The following CEP120 variants were observed in gnomAD, a reference collection of about 807,000 sequenced individuals.
CEP120 encodes the protein centrosomal protein 120.
In CEP120, 113 loss-of-function variants were observed where a neutral mutation model predicts 126.5. The ratio of observed to expected loss-of-function variants is 0.89; its 90% CI spans 0.77 to 1.04. The LOEUF (loss-of-function observed/expected upper bound fraction) is 1.04, where lower values mean the gene tolerates loss of function less well. CEP120 is among the 50% of genes least tolerant of loss of function. The pLI is 0.00. For synonymous variants in CEP120, 400 were observed against 394.3 expected (o/e 1.01, Z -0.17); for missense variants, 1,230 against 1,155.7 (o/e 1.06, Z -0.93).
intron 17 of CEP120, among the ~76,000 whole-genome samples, chr5:123,369,970 T>C (rs575454963): frequency 6.6e-6 from 1 of 152,116 alleles, no homozygotes; most frequent in Non-Finnish European, 1.5e-5. Flanking sequence ...CTCAAAACAA[T>C]TTTGTACCAA....
At chr5:123,377,612 A>G in intron 15 of CEP120, 77 bp from the exon 16 acceptor site, 1 of 1,085,168 alleles carries the variant, frequency 9.2e-7, no homozygotes, top group Non-Finnish European at 1.3e-6. Flanking sequence ...ATATCTTTCT[A>G]TACACTCAAA....
At chr5:123,370,723 A>T (rs1770796719) in intron 17 of CEP120, among the ~76,000 whole-genome samples, 1 of 147,920 alleles carries the variant, frequency 6.8e-6, no homozygotes, top group Non-Finnish European at 1.5e-5. Flanking sequence ...ATACATACAT[A>T]CACACATATA....
Position 123,386,619 on chromosome 5 carries a change from A to G in CEP120, c.1479T>C (p.Pro493=), listed in dbSNP as rs929084753. Reference sequence around the variant, plus strand: ...CCATGTTTTTCCGAACTTCTACAGGAGGATTAGTCATAATAGGAGCTGCAC... The same window carrying G: ...CCATGTTTTTCCGAACTTCTACAGGGGGATTAGTCATAATAGGAGCTGCAC... ...FGSAAPIMTN[P]PVEVRKNMEV... is the part of the protein sequence containing the mutation. The change falls in exon 10 of 20, where the codon CCT becomes CCC. Residue 493 remains proline (P), a synonymous_variant. Coordinates refer to ENST00000306467, the MANE Select transcript of CEP120 (RefSeq NM_001375405.1). The G allele has an allele frequency of 3.2e-6, 5 of 1,559,394 alleles. No individual in the cohort carries two copies. The highest frequency in any genetic ancestry group is 4.3e-6 in the Non-Finnish European group (5 of 1,149,596).
At chr5:123,422,915 G>A (rs141808885) in intron 1 of CEP120, 35 bp downstream of exon 1, 1 of 1,595,138 alleles carries the variant, frequency 6.3e-7, no homozygotes, top group South Asian at 1.1e-5. Flanking sequence ...AACTCGGGAG[G>A]CAGCAGTTGC....
chr5:123,393,535 C>T, intron 5 of CEP120, 38 bp from the exon 6 acceptor site: 1 of 1,530,986 alleles, frequency 6.5e-7, no homozygotes, highest in Non-Finnish European at 9.0e-7. Context: ...TTATTACTTT[C>T]TAAACTACTG....
At chr5:123,383,598 G>A (rs1404995695) in intron 11 of CEP120, among the ~76,000 whole-genome samples, 1 of 151,726 alleles carries the variant, frequency 6.6e-6, no homozygotes, top group Admixed American at 6.6e-5. Context: ...CCCTACTCTT[G>A]ATTATATTGG....
chr5:123,374,760 C>A (rs1382997954), intron 16 of CEP120, among the ~76,000 whole-genome samples: 1 of 152,032 alleles, frequency 6.6e-6, no homozygotes. Context: ...TGAACAGAAA[C>A]CTTTCTAAAG....
chr5:123,358,468 G>A (rs1463751344), intron 18 of CEP120: 1 of 152,002 alleles, frequency 6.6e-6, no homozygotes, highest in Non-Finnish European at 1.5e-5. Flanking sequence ...TAAGATTGCT[G>A]GTGATCTGTA....
At chr5:123,414,224 G>A (rs1215950272) in intron 3 of CEP120, among the ~76,000 whole-genome samples, 2 of 152,244 alleles carry the variant, frequency 1.3e-5, no homozygotes, top group South Asian at 2.1e-4. Flanking sequence ...ACACTTGCAC[G>A]CTACATGAGA....
intron 5 of CEP120, among the ~76,000 whole-genome samples, chr5:123,395,656 T>C (rs1332318164): frequency 2.0e-5 from 3 of 151,720 alleles, no homozygotes; most frequent in Non-Finnish European, 4.4e-5. Context: ...TCCTTTATGT[T>C]GTGGCATGTA....
chr5:123,363,658 C>T (rs1484664710), intron 18 of CEP120, among the ~76,000 whole-genome samples: 1 of 151,408 alleles, frequency 6.6e-6, no homozygotes, highest in Non-Finnish European at 1.5e-5. Context: ...GTTTTTAATT[C>T]TCATGTAGAC....
rs1336416359 is a variant in CEP120, at chr5:123,345,121, C to T, written c.*1398G>A. ...ACATAAGGCTTGCTTCTGTTCCATTCAAGTGGCACAAAAATCAATGAGAGA... is the reference window on the plus strand; with the variant it reads ...ACATAAGGCTTGCTTCTGTTCCATTTAAGTGGCACAAAAATCAATGAGAGA... On this transcript the variant is annotated 3_prime_UTR_variant, in exon 20 of 20. Coordinates refer to ENST00000306467, the MANE Select transcript of CEP120 (RefSeq NM_001375405.1). 1.3e-5 allele frequency: 2 copies of T among 152,108 alleles called. No individual in the cohort carries two copies. The highest frequency in any genetic ancestry group is 6.6e-5 in the Admixed American group (1 of 15,262). 9.4% of individuals were successfully genotyped at this position (152,108 alleles called of 1,614,324 possible).
intron 19 of CEP120, among the ~76,000 whole-genome samples, chr5:123,348,545 C>T (rs1336496429): frequency 6.6e-6 from 1 of 152,174 alleles, no homozygotes; most frequent in Non-Finnish European, 1.5e-5. Flanking sequence ...TTAAAGCTGA[C>T]CTTTTGCAAC....
chr5:123,419,858 A>T (rs1453701914), intron 1 of CEP120, among the ~76,000 whole-genome samples: 1 of 152,238 alleles, frequency 6.6e-6, no homozygotes. Flanking sequence ...AGGAAGCTAA[A>T]GAACATCAAC....
At chr5:123,382,063 A>G (rs1366360300) in intron 14 of CEP120, 48 bp downstream of exon 14, 3 of 1,220,396 alleles carry the variant, frequency 2.5e-6, no homozygotes, top group Non-Finnish European at 3.6e-6. Context: ...ACAAGATATT[A>G]TCATTAATAT....
intron 7 of CEP120, 179 bp downstream of exon 7, chr5:123,390,931 T>C: frequency 1.7e-6 from 1 of 583,976 alleles, no homozygotes; most frequent in Non-Finnish European, 3.0e-6. Context: ...GTAGAATCAC[T>C]TATAAACCAT....
intron 6 of CEP120, 77 bp from the exon 7 acceptor site, chr5:123,391,414 G>A: frequency 8.7e-7 from 1 of 1,150,668 alleles, no homozygotes; most frequent in African/African-American, 1.5e-5. Flanking sequence ...TTAATAAGAA[G>A]TTGTAAAATG....
At chr5:123,361,861 A>C (rs898125170) in intron 18 of CEP120, among the ~76,000 whole-genome samples, 1 of 151,826 alleles carries the variant, frequency 6.6e-6, no homozygotes, top group South Asian at 2.1e-4. Flanking sequence ...TTTAATTCTC[A>C]GAATAACCTG....
intron 14 of CEP120, among the ~76,000 whole-genome samples, chr5:123,378,756 T>C (rs570606211): frequency 6.6e-6 from 1 of 152,098 alleles, no homozygotes; most frequent in East Asian, 1.9e-4. Flanking sequence ...CTGCTAAATT[T>C]GAAACGCATA....
Sources: allele counts gnomAD v4.1 joint callset (sites outside exome capture counted in the v4.1 genomes callset), GRCh38; gene constraint gnomAD v4.1.1; transcripts MANE v1.5; gene names NCBI Gene and HGNC (gene_info 2026-07-23, HGNC 2026-07-21).